Variants in PPFIA2 observed in about 807,000 individuals in gnomAD.
The protein encoded by PPFIA2 is liprin-alpha-2.
A neutral mutation model predicts 175.5 loss-of-function variants in PPFIA2; 46 were observed. That is an observed-to-expected ratio of 0.26 (90% confidence interval 0.21 to 0.34). The LOEUF (loss-of-function observed/expected upper bound fraction) is 0.34, where lower values mean the gene tolerates loss of function less well. Ranked by LOEUF, PPFIA2 falls within the 10% of genes least tolerant of loss-of-function variation. PPFIA2 has a pLI of 1.00. For missense variants in PPFIA2, 1,179 were observed against 1,506.1 expected, an observed-to-expected ratio of 0.78 and a Z score of 3.60; for synonymous variants, 568 against 511.4, an observed-to-expected ratio of 1.11 and a Z score of -1.49.
intron 7 of PPFIA2, among the ~76,000 whole-genome samples, chr12:81,439,235 C>T (rs1311745699): frequency 6.8e-6 from 1 of 147,490 alleles, no homozygotes; most frequent in East Asian, 2.0e-4. Flanking sequence ...ATAAAATGTA[C>T]CACACTGTCT....
At position 81,714,745 on chromosome 12, in the gene PPFIA2, G is replaced by A. The variant is rs1235327291; in HGVS notation, c.250-37901C>T. On this transcript the variant is annotated intron_variant, in intron 3 of 32. Transcript: ENST00000549396. ...TCCCATAATATGTTTTGCAAAAACA[G>A]TTTTCATAAAACATATGTGGTTGAT... Among the ~76,000 whole-genome samples, 3 of 151,048 alleles carry A rather than the reference G, an allele frequency of 2.0e-5. No individual in the cohort carries two copies. In the East Asian group the frequency reaches 6.0e-4, roughly 30 times the overall value.
chr12:81,599,024 T>C lies in PPFIA2; in HGVS notation c.303+77767A>G, dbSNP rs1173872948. Among the ~76,000 whole-genome samples, 7 of 152,152 alleles carry C rather than the reference T, an allele frequency of 4.6e-5. No individual in the cohort carries two copies. The South Asian group carries it at 1.0e-3, about 23-fold the overall frequency. The stretch of plus-strand genomic sequence containing the variant: ...AACTCAAAAATCCAAAAATATTGAA[T>C]GCAAACATGTAGGTTTTGTTGCAAA... On this transcript the variant is annotated intron_variant, in intron 4 of 32. Coordinates refer to ENST00000549396, the MANE Select transcript of PPFIA2 (RefSeq NM_003625.5).
At chr12:81,489,814 G>C (rs2059239821) in intron 4 of PPFIA2, among the ~76,000 whole-genome samples, 1 of 151,798 alleles carries the variant, frequency 6.6e-6, no homozygotes, top group Non-Finnish European at 1.5e-5. Context: ...AGTGGAGGTT[G>C]ACAAGTCTGT....
chr12:81,345,484 C>A (rs1017131861), intron 18 of PPFIA2, among the ~76,000 whole-genome samples: 2 of 152,002 alleles, frequency 1.3e-5, no homozygotes, highest in Non-Finnish European at 2.9e-5. Context: ...ATCTTTCTCT[C>A]TCTCTCTGTC....
chr12:81,495,563 G>C (rs2059943143), intron 4 of PPFIA2, among the ~76,000 whole-genome samples: 2 of 152,110 alleles, frequency 1.3e-5, no homozygotes, highest in Admixed American at 1.3e-4. Context: ...CCAGCACTTT[G>C]GGAGACTCAG....
At chr12:81,696,270 G>C (rs1000565005) in intron 3 of PPFIA2, among the ~76,000 whole-genome samples, 5 of 152,142 alleles carry the variant, frequency 3.3e-5, no homozygotes, top group African/African-American at 4.8e-5. Context: ...AGCAGTAGTA[G>C]ACAGTGAAAT....
intron 22 of PPFIA2, among the ~76,000 whole-genome samples, chr12:81,316,380 A>G (rs766174731): frequency 2.6e-5 from 4 of 151,618 alleles, no homozygotes; most frequent in Non-Finnish European, 5.9e-5. Context: ...TCAGCATTAT[A>G]TTTAAATATA....
intron 4 of PPFIA2, among the ~76,000 whole-genome samples, chr12:81,494,536 C>A (rs992173205): frequency 6.6e-6 from 1 of 151,274 alleles, no homozygotes; most frequent in African/African-American, 2.4e-5. Flanking sequence ...GTCAGTGTGG[C>A]GATTCCTCAG....
In PPFIA2 at chr12:81,493,754, C is replaced by CTATATATA. The variant is rs5799531; in HGVS notation, c.304-35896_304-35889dup. On this transcript the variant is annotated intron_variant, in intron 4 of 32. Coordinates refer to ENST00000549396, the MANE Select transcript of PPFIA2 (RefSeq NM_003625.5). Reference sequence around the variant, plus strand: ...TTTGTGTGTGTGTGTGTGTGTGTGTCTATATATATATATATATATATATAT... The same window carrying CTATATATA: ...TTTGTGTGTGTGTGTGTGTGTGTGTCTATATATATATATATATATATATATATATATAT... 5.1e-3 allele frequency among the ~76,000 whole-genome samples: 522 copies of CTATATATA among 102,028 alleles called. 6 individuals carry two copies. The highest frequency in any genetic ancestry group is 0.012 in the African/African-American group (296 of 24,234). The allele number at this position is 102,028 out of a possible 152,430, so 66.9% of individuals were successfully genotyped here. A position where few individuals can be genotyped will look rare whatever the true frequency, so the allele number is the denominator to read the frequency against.
intron 6 of PPFIA2, among the ~76,000 whole-genome samples, chr12:81,443,845 C>CTTTTTTTTTTTTTTTTTTTT (rs1183160145): frequency 1.4e-5 from 1 of 71,164 alleles, no homozygotes; most frequent in African/African-American, 5.9e-5. Flanking sequence ...GCCAACCTTT[C>CTTTTTTTTTTTTTTTTTTTT]TTTTTTTTTT....
At chr12:81,394,088 T>C (rs2040635958) in intron 8 of PPFIA2, among the ~76,000 whole-genome samples, 1 of 152,048 alleles carries the variant, frequency 6.6e-6, no homozygotes, top group East Asian at 1.9e-4. Context: ...TTTTTAAAAA[T>C]TTACTCACTT....
At chr12:81,602,959 C>A (rs1922415) in intron 4 of PPFIA2, among the ~76,000 whole-genome samples, 137,577 of 151,848 alleles carry the variant, frequency 0.91, 62,586 homozygotes, top group East Asian at 1. Context: ...AATACGTTTC[C>A]GGTGGTTGAT....
intron 4 of PPFIA2, among the ~76,000 whole-genome samples, chr12:81,627,359 C>G (rs1255413484): frequency 6.6e-6 from 1 of 152,002 alleles, no homozygotes; most frequent in African/African-American, 2.4e-5. Flanking sequence ...CTGATTTTAT[C>G]ATTATACATT....
intron 4 of PPFIA2, 41 bp from the exon 5 acceptor site, chr12:81,457,907 C>A: frequency 1.5e-6 from 2 of 1,338,880 alleles, no homozygotes; most frequent in Non-Finnish European, 2.0e-6. Context: ...TATTCAAGAT[C>A]TAAAAGCAGA....
At chr12:81,675,082 T>C (rs913461224) in intron 4 of PPFIA2, among the ~76,000 whole-genome samples, 6 of 151,898 alleles carry the variant, frequency 4.0e-5, no homozygotes, top group Non-Finnish European at 7.4e-5. Flanking sequence ...AAAATAACCA[T>C]CATGGTATAG....
chr12:81,343,928 G>T (rs1449769633), intron 19 of PPFIA2, among the ~76,000 whole-genome samples: 3 of 151,978 alleles, frequency 2.0e-5, no homozygotes, highest in Non-Finnish European at 4.4e-5. Context: ...CCTTTCACAT[G>T]CAAACCAAAC....
At chr12:81,669,107 A>G (rs1487298136) in intron 4 of PPFIA2, among the ~76,000 whole-genome samples, 3 of 151,772 alleles carry the variant, frequency 2.0e-5, no homozygotes, top group African/African-American at 2.4e-5. Flanking sequence ...TGTCCCTTTG[A>G]TTTTCTCTAC....
chr12:81,317,508 A>C (rs1358291257), intron 22 of PPFIA2, among the ~76,000 whole-genome samples: 1 of 21,810 alleles, frequency 4.6e-5, no homozygotes, highest in Non-Finnish European at 1.4e-4. Flanking sequence ...CAGATTTGAG[A>C]GATTTTTTTT....
intron 4 of PPFIA2, among the ~76,000 whole-genome samples, chr12:81,537,841 G>C (rs2065633596): frequency 6.6e-6 from 1 of 151,766 alleles, no homozygotes; most frequent in Non-Finnish European, 1.5e-5. Flanking sequence ...GAACTGGCTG[G>C]CTAAAAGGAA....
Sources: allele counts gnomAD v4.1 joint callset (sites outside exome capture counted in the v4.1 genomes callset), GRCh38; gene constraint gnomAD v4.1.1; transcripts MANE v1.5; gene names NCBI Gene and HGNC (gene_info 2026-07-23, HGNC 2026-07-21).